CACNA1E: variants seen among roughly 807,000 people sequenced by gnomAD.
CACNA1E encodes the protein calcium voltage-gated channel subunit alpha1 E.
In CACNA1E, 40 loss-of-function variants were observed where a neutral mutation model predicts 259.2. That is an observed-to-expected ratio of 0.15 (90% CI 0.12 to 0.20). The LOEUF (loss-of-function observed/expected upper bound fraction) is 0.20, where lower values mean the gene tolerates loss of function less well. Among genes scored for constraint, CACNA1E ranks in the 10% least tolerant of loss-of-function variants. CACNA1E has a pLI of 1.00. For synonymous variants in CACNA1E, 1,104 were observed against 1,138.5 expected (o/e 0.97, Z 0.61); for missense variants, 1,874 against 3,040.1 (o/e 0.62, Z 9.02).
rs753481808 is a variant in CACNA1E, at chr1:181,781,481, G to A, written c.5322G>A (p.Pro1774=). The change falls in exon 39 of 48, where the codon CCG becomes CCA. Residue 1774 remains proline (P), a synonymous_variant. Coordinates refer to ENST00000367573, the MANE Select transcript of CACNA1E (RefSeq NM_001205293.3). ...AAATGCTGACTCTCATGTCACCTCC[G>A]CTAGGCCTCGGCAAGAGATGTCCCT... The part of the protein sequence containing the change: ...MYEMLTLMSP[P]LGLGKRCPSK... The A allele has an allele frequency of 3.8e-6, 6 of 1,597,822 alleles. No individual in the cohort carries two copies. Among genetic ancestry groups the A allele is most frequent in the African/African-American group, 2.7e-5 (2 of 74,574 alleles).
rs2102575261 is a variant in CACNA1E, at chr1:181,736,302, G to C, written c.3290G>C (p.Ser1097Thr). 1 of 1,599,206 alleles carries C rather than the reference G, an allele frequency of 6.3e-7. No individual in the cohort carries two copies. The highest frequency in any genetic ancestry group is 2.3e-5 in the East Asian group (1 of 44,410). ...HISNKTDGEA[S>T]PLKEAEIRED... ...AGCAACAAGACGGATGGGGAAGCCA[G>C]TCCCTTGAAGGAGGCAGAGATCAGA... Residue 1097 changes from serine to threonine, a missense_variant, in exon 22 of 48, where the codon AGT becomes ACT. By Grantham distance (58) the Ser-to-Thr change is moderately conservative (BLOSUM62 1). Around this residue, in one of 14 missense-constraint regions of CACNA1E, gnomAD observed 476 missense variants for 514.0 expected, o/e 0.93. Transcript: ENST00000367573.
chr1:181,399,621 T>C (rs766345414), intron 1 of CACNA1E, among the ~76,000 whole-genome samples: 9 of 152,208 alleles, frequency 5.9e-5, no homozygotes, highest in Non-Finnish European at 1.0e-4. Flanking sequence ...GTGGAGGGAA[T>C]GTGATCGAGC....
chr1:181,560,585 C>T (rs566415789), intron 3 of CACNA1E, among the ~76,000 whole-genome samples: 2 of 152,304 alleles, frequency 1.3e-5, no homozygotes, highest in East Asian at 3.9e-4. Context: ...ATACTTTGCT[C>T]AACCATTCCC....
chr1:181,731,640 C>G (rs1441620675), intron 19 of CACNA1E, among the ~76,000 whole-genome samples: 1 of 152,118 alleles, frequency 6.6e-6, no homozygotes, highest in Non-Finnish European at 1.5e-5. Context: ...GAGGTAACTT[C>G]CCCTCCGCCC....
chr1:181,473,719 A>T (rs1301761042), intron 2 of CACNA1E, among the ~76,000 whole-genome samples: 1 of 152,210 alleles, frequency 6.6e-6, no homozygotes, highest in East Asian at 1.9e-4. Context: ...CTGTAGAATC[A>T]TCATGAAATC....
At chr1:181,734,788 A>G (rs531274756) in intron 21 of CACNA1E, among the ~76,000 whole-genome samples, 15 of 125,892 alleles carry the variant, frequency 1.2e-4, no homozygotes, top group African/African-American at 4.7e-4. Flanking sequence ...CTGACCCCAC[A>G]CCTCATCCCT....
At chr1:181,780,524 C>A (rs1194016503) in intron 38 of CACNA1E, among the ~76,000 whole-genome samples, 2 of 152,168 alleles carry the variant, frequency 1.3e-5, no homozygotes, top group Non-Finnish European at 2.9e-5. Flanking sequence ...AGGAAGGATG[C>A]CAGCCTGGAC....
At chr1:181,335,645 T>G (rs957090817) in intron 1 of CACNA1E, among the ~76,000 whole-genome samples, 3 of 152,166 alleles carry the variant, frequency 2.0e-5, no homozygotes, top group African/African-American at 7.2e-5. Context: ...GTGGTGGCCC[T>G]CTCTTTGGGC....
At chr1:181,621,478 G>A (rs1655713304) in intron 6 of CACNA1E, among the ~76,000 whole-genome samples, 1 of 152,150 alleles carries the variant, frequency 6.6e-6, no homozygotes. Context: ...TAGGTGCTTG[G>A]TAAATGCTTA....
At chr1:181,535,730 C>T (rs965623638) in intron 3 of CACNA1E, among the ~76,000 whole-genome samples, 3 of 151,290 alleles carry the variant, frequency 2.0e-5, no homozygotes. Context: ...CTCTGTTGCC[C>T]AGGCTGGAGT....
intron 1 of CACNA1E, among the ~76,000 whole-genome samples, chr1:181,504,978 C>T (rs1452620347): frequency 6.6e-6 from 1 of 152,030 alleles, no homozygotes; most frequent in Non-Finnish European, 1.5e-5. Context: ...TGAAATGAGG[C>T]CTCTAGTGAG....
chr1:181,510,414 C>T (rs1173664076), intron 1 of CACNA1E, 63 bp from the exon 2 acceptor site: 2 of 1,071,388 alleles, frequency 1.9e-6, no homozygotes, highest in East Asian at 2.4e-5. Context: ...TGTTTATGGG[C>T]ACGGCCATCT....
chr1:181,703,746 A>G (rs1437255153), intron 7 of CACNA1E, among the ~76,000 whole-genome samples: 1 of 151,796 alleles, frequency 6.6e-6, no homozygotes, highest in African/African-American at 2.4e-5. Flanking sequence ...CCACCGCCCT[A>G]ATCCTTGGAA....
intron 13 of CACNA1E, 91 bp from the exon 14 acceptor site, chr1:181,720,115 T>G: frequency 1.4e-6 from 2 of 1,443,202 alleles, no homozygotes; most frequent in Non-Finnish European, 1.9e-6. Flanking sequence ...ATGCAGCTTA[T>G]TTCATAGACT....
At chr1:181,527,466 A>G (rs1667447369) in intron 3 of CACNA1E, among the ~76,000 whole-genome samples, 1 of 152,358 alleles carries the variant, frequency 6.6e-6, no homozygotes, top group African/African-American at 2.4e-5. Flanking sequence ...TCCTGGAATC[A>G]CTTCATCTTT....
At chr1:181,673,300 G>T (rs1649004538) in intron 7 of CACNA1E, among the ~76,000 whole-genome samples, 1 of 152,146 alleles carries the variant, frequency 6.6e-6, no homozygotes, top group Non-Finnish European at 1.5e-5. Flanking sequence ...CTTTGGGGCT[G>T]CCCTGTTTGT....
chr1:181,736,949 G>A (rs1348567237), intron 22 of CACNA1E, among the ~76,000 whole-genome samples: 1 of 152,196 alleles, frequency 6.6e-6, no homozygotes, highest in Non-Finnish European at 1.5e-5. Context: ...TGGAAGGTTA[G>A]ATTCAGGAAA....
intron 1 of CACNA1E, among the ~76,000 whole-genome samples, chr1:181,335,192 C>T (rs764721517): frequency 1.3e-5 from 2 of 152,188 alleles, no homozygotes; most frequent in Non-Finnish European, 2.9e-5. Context: ...AAGTCAGGAT[C>T]TCTAGCAAAC....
At chr1:181,664,870 A>G (rs1648060802) in intron 7 of CACNA1E, among the ~76,000 whole-genome samples, 1 of 152,178 alleles carries the variant, frequency 6.6e-6, no homozygotes, top group Non-Finnish European at 1.5e-5. Flanking sequence ...AGTAAGTAGA[A>G]CTATCAACAT....
Sources: allele counts gnomAD v4.1 joint callset (sites outside exome capture counted in the v4.1 genomes callset), GRCh38; gene constraint gnomAD v4.1.1; regional missense constraint gnomAD v4.1.1; transcripts MANE v1.5; gene names NCBI Gene and HGNC (gene_info 2026-07-23, HGNC 2026-07-21).